The following AGO2 variants were observed in gnomAD, a reference collection of about 807,000 sequenced individuals.
AGO2 encodes protein argonaute-2.
AGO2 carries 5 observed loss-of-function variants against 102.3 expected under a neutral mutation model. The observed-to-expected ratio is 0.05, with a 90% CI of 0.03 to 0.10. AGO2 has a LOEUF of 0.10. Among genes scored for constraint, AGO2 ranks in the 10% least tolerant of loss-of-function variants. AGO2 has a pLI of 1.00. For missense variants in AGO2, 541 were observed against 1,183.7 expected, an observed-to-expected ratio of 0.46 and a Z score of 7.97; for synonymous variants, 449 against 473.1, an observed-to-expected ratio of 0.95 and a Z score of 0.66.
intron 10 of AGO2, among the ~76,000 whole-genome samples, 194 bp from the exon 11 acceptor site, chr8:140,551,630 T>C (rs1177452882): frequency 6.7e-6 from 1 of 150,312 alleles, no homozygotes; most frequent in East Asian, 2.0e-4. Flanking sequence ...GATGGGCTGG[T>C]GGAAGATGGG....
intron 3 of AGO2, among the ~76,000 whole-genome samples, chr8:140,564,122 C>T (rs939481869): frequency 6.6e-6 from 1 of 152,242 alleles, no homozygotes; most frequent in African/African-American, 2.4e-5. Context: ...TCCTTCCAGC[C>T]GGATAGACTT....
Position 140,558,508 on chromosome 8 carries a change from G to A in AGO2, c.855C>T (p.Thr285=), listed in dbSNP as rs1406168561. Reference sequence around the variant, plus strand: ...ACGTTTGGTGACTGGCGGGCCGCCGGGTCACATTGCAGACGCGGTACTTCC... The same window carrying A: ...ACGTTTGGTGACTGGCGGGCCGCCGAGTCACATTGCAGACGCGGTACTTCC... The part of the protein sequence containing the change: ...MKRKYRVCNV[T]RRPASHQTFP... Residue 285 remains threonine (T), a synonymous_variant, in exon 7 of 19, where the codon ACC becomes ACT. Transcript: ENST00000220592. 12 of 1,614,094 alleles carry A rather than the reference G, an allele frequency of 7.4e-6. No homozygotes were observed. The highest frequency in any genetic ancestry group is 5.3e-5 in the African/African-American group (4 of 74,934).
intron 7 of AGO2, among the ~76,000 whole-genome samples, chr8:140,558,200 TGAACACAAAA>T (rs2073133182): frequency 6.6e-6 from 1 of 152,064 alleles, no homozygotes; most frequent in South Asian, 2.1e-4. Flanking sequence ...GATGGGACAA[TGAACACAAAA>T]GACCCTTCTC....
chr8:140,615,261 A>G (rs2074126640), intron 1 of AGO2, among the ~76,000 whole-genome samples: 1 of 152,238 alleles, frequency 6.6e-6, no homozygotes, highest in East Asian at 1.9e-4. Flanking sequence ...AAAATAAAAT[A>G]TTATAAACAA....
chr8:140,630,364 C>T (rs1225722538), intron 1 of AGO2, among the ~76,000 whole-genome samples: 1 of 152,248 alleles, frequency 6.6e-6, no homozygotes, highest in African/African-American at 2.4e-5. Context: ...AGTGTCTCCT[C>T]ACCCTGGGTG....
chr8:140,523,206 AG>A lies in AGO2; in HGVS notation c.*8837del, dbSNP rs2072445146. The A allele has an allele frequency of 6.6e-6, 1 of 152,192 alleles. No homozygotes were observed. Among genetic ancestry groups the A allele is most frequent in the African/African-American group, 2.4e-5 (1 of 41,428 alleles). The allele number at this position is 152,192 out of a possible 1,614,324, so 9.4% of individuals were successfully genotyped here. A position where few individuals can be genotyped will look rare whatever the true frequency, so the allele number is the denominator to read the frequency against. Reference sequence around the variant, plus strand: ...AGAAACAAGCCCACAGACAATACATAGAGTACCACCTGAAACGAGGCCCTTG... The same window carrying A: ...AGAAACAAGCCCACAGACAATACATAAGTACCACCTGAAACGAGGCCCTTG... On this transcript the variant is annotated 3_prime_UTR_variant, in exon 19 of 19. Coordinates refer to ENST00000220592, the MANE Select transcript of AGO2 (RefSeq NM_012154.5).
intron 1 of AGO2, among the ~76,000 whole-genome samples, chr8:140,633,444 T>G (rs555202835): frequency 6.6e-6 from 1 of 152,162 alleles, no homozygotes; most frequent in Middle Eastern, 3.4e-3. Context: ...TTCCAGAGGG[T>G]CCACTCCCTA....
upstream of AGO2, chr8:140,637,554 G>C (rs952601116): frequency 6.6e-6 from 1 of 152,290 alleles, no homozygotes; most frequent in Non-Finnish European, 1.5e-5. Flanking sequence ...GTGGCCCTCT[G>C]CTGGCGGAGG....
At chr8:140,627,410 C>T (rs1250131782) in intron 1 of AGO2, among the ~76,000 whole-genome samples, 1 of 152,176 alleles carries the variant, frequency 6.6e-6, no homozygotes, top group Non-Finnish European at 1.5e-5. Flanking sequence ...TTTTTATGTG[C>T]AGCTGCAAGA....
chr8:140,568,941 T>C (rs1409697684), intron 3 of AGO2, among the ~76,000 whole-genome samples: 12 of 152,136 alleles, frequency 7.9e-5, no homozygotes, highest in Non-Finnish European at 1.5e-5. Context: ...CAAAGATGCT[T>C]GCGCCAGGCC....
At chr8:140,609,550 C>A (rs947530811) in intron 1 of AGO2, among the ~76,000 whole-genome samples, 1 of 152,216 alleles carries the variant, frequency 6.6e-6, no homozygotes, top group East Asian at 1.9e-4. Context: ...CGGCCTCACT[C>A]CCTCAGGAAT....
intron 1 of AGO2, among the ~76,000 whole-genome samples, chr8:140,615,409 G>A (rs1004829559): frequency 1.3e-5 from 2 of 152,028 alleles, no homozygotes; most frequent in African/African-American, 2.4e-5. Context: ...TCTAGGCCCC[G>A]GGCCCCCAGG....
At chr8:140,630,624 T>C (rs1405374884) in intron 1 of AGO2, among the ~76,000 whole-genome samples, 7 of 152,062 alleles carry the variant, frequency 4.6e-5, no homozygotes, top group Non-Finnish European at 5.9e-5. Context: ...CCACAAACGA[T>C]AAGGGCAGAG....
Position 140,635,633 on chromosome 8 carries a change from G to C in AGO2, c.-127C>G, listed in dbSNP as rs1249945292. On this transcript the variant is annotated 5_prime_UTR_variant, in exon 1 of 19. Transcript: ENST00000220592. Reference sequence around the variant, plus strand: ...CCCGGCGCGGCCGCCTCGCCAAACAGGTTTACCCGACGCGGCCGGGGCGGC... The same window carrying C: ...CCCGGCGCGGCCGCCTCGCCAAACACGTTTACCCGACGCGGCCGGGGCGGC... 3.2e-6 allele frequency: 2 copies of C among 633,302 alleles called. No individual in the cohort carries two copies. Among genetic ancestry groups the C allele is most frequent in the African/African-American group, 4.0e-5 (2 of 49,772 alleles). The allele number at this position is 633,302 out of a possible 1,614,324, so 39.2% of individuals were successfully genotyped here.
Position 140,539,287 on chromosome 8 carries a change from G to A in AGO2, c.2169+33C>T, listed in dbSNP as rs376571659. 18 of 1,577,164 alleles carry A rather than the reference G, an allele frequency of 1.1e-5. No individual in the cohort carries two copies. The highest frequency in any genetic ancestry group is 5.4e-5 in the African/African-American group (4 of 74,114). The stretch of plus-strand genomic sequence containing the variant: ...GGGGTGTGGGGCTGAGGGGAGAACC[G>A]TGCCCCCTGCCTGGAGTCATGCAGA... On this transcript the variant is annotated intron_variant, in intron 16 of 18. Coordinates refer to ENST00000220592, the MANE Select transcript of AGO2 (RefSeq NM_012154.5). The surrounding 1 kb of genome is among the most constrained non-coding windows in gnomAD (Gnocchi z 4.7).
chr8:140,551,120 C>G (rs2072985961), intron 11 of AGO2, among the ~76,000 whole-genome samples, 183 bp downstream of exon 11: 1 of 152,206 alleles, frequency 6.6e-6, no homozygotes, highest in South Asian at 2.1e-4. Context: ...CCAATGGGGC[C>G]AGCATGTCTT....
rs2073450827 is a variant in AGO2 at position 140,575,498 on chromosome 8, C to T, written c.216-2566G>A. Among the ~76,000 whole-genome samples the T allele has an allele frequency of 2.0e-5, 3 of 152,188 alleles. No homozygotes were observed. In the South Asian group the frequency reaches 6.2e-4, roughly 32 times the overall value. ...TCCCTGGCCAGGACTGCACAATCAA[C>T]TTGAGGTGCAGATGGCTCCATTGGA... On this transcript the variant is annotated intron_variant, in intron 2 of 18. Transcript: ENST00000220592.
chr8:140,625,414 C>T (rs1438797386), intron 1 of AGO2, among the ~76,000 whole-genome samples: 5 of 152,188 alleles, frequency 3.3e-5, no homozygotes, highest in African/African-American at 1.2e-4. Context: ...TCCAGTCCTA[C>T]TCTTTCTTGG....
chr8:140,561,167 A>G (rs1394491054), intron 4 of AGO2, among the ~76,000 whole-genome samples: 1 of 152,210 alleles, frequency 6.6e-6, no homozygotes, highest in African/African-American at 2.4e-5. Flanking sequence ...AAGCAGACGC[A>G]TTCTCCAGCA....
Sources: allele counts gnomAD v4.1 joint callset (sites outside exome capture counted in the v4.1 genomes callset), GRCh38; gene constraint gnomAD v4.1.1; non-coding constraint Gnocchi (gnomAD v3.1); transcripts MANE v1.5; gene names NCBI Gene and HGNC (gene_info 2026-07-23, HGNC 2026-07-21).